The following EEPD1 variants were observed in gnomAD, a reference collection of about 807,000 sequenced individuals.
EEPD1 encodes endonuclease/exonuclease/phosphatase family domain containing 1.
In EEPD1, 17 loss-of-function variants were observed where a neutral mutation model predicts 46.3. That is an observed-to-expected ratio of 0.37 (90% CI 0.25 to 0.55). The LOEUF (loss-of-function observed/expected upper bound fraction) is 0.55, where lower values mean the gene tolerates loss of function less well. Ranked by LOEUF, EEPD1 falls within the 20% of genes least tolerant of loss-of-function variation. The pLI is 0.83. For missense variants in EEPD1, 673 were observed against 745.6 expected (o/e 0.90, Z 1.13); for synonymous variants, 313 against 315.6 (o/e 0.99, Z 0.09).
intron 3 of EEPD1, among the ~76,000 whole-genome samples, chr7:36,263,367 T>C (rs1281398354): frequency 6.6e-6 from 1 of 152,118 alleles, no homozygotes; most frequent in Non-Finnish European, 1.5e-5. Context: ...TAATTAGGTT[T>C]GAAGAAGACA....
chr7:36,174,259 AG>A (rs1785139981), intron 2 of EEPD1, among the ~76,000 whole-genome samples: 1 of 152,206 alleles, frequency 6.6e-6, no homozygotes, highest in African/African-American at 2.4e-5. Flanking sequence ...GCTTAAATCA[AG>A]CATTGTTGAT....
intron 3 of EEPD1, among the ~76,000 whole-genome samples, chr7:36,244,756 T>C (rs1384615048): frequency 6.7e-6 from 1 of 149,582 alleles, no homozygotes; most frequent in Admixed American, 6.9e-5. Context: ...GGGCTTCATT[T>C]TTCAGAGTTG....
chr7:36,212,401 A>G (rs541926363), intron 2 of EEPD1, among the ~76,000 whole-genome samples: 1 of 151,732 alleles, frequency 6.6e-6, no homozygotes, highest in African/African-American at 2.4e-5. Flanking sequence ...AATGCATCCC[A>G]TATATATGCA....
chr7:36,260,121 A>G (rs1250370779), intron 3 of EEPD1, among the ~76,000 whole-genome samples: 1 of 152,250 alleles, frequency 6.6e-6, no homozygotes, highest in African/African-American at 2.4e-5. Context: ...GAGAAGAAAT[A>G]TGCACATATG....
At chr7:36,228,549 T>G (rs1583821026) in intron 2 of EEPD1, 1 of 148,984 alleles carries the variant, frequency 6.7e-6, no homozygotes, top group Admixed American at 6.7e-5. Flanking sequence ...AAAAAAAAAC[T>G]GCTGTGGAAA....
intron 3 of EEPD1, among the ~76,000 whole-genome samples, chr7:36,262,959 G>A (rs1032869267): frequency 6.6e-6 from 1 of 152,120 alleles, no homozygotes; most frequent in African/African-American, 2.4e-5. Context: ...TATGGGGTAG[G>A]GGAGGGCTCT....
intron 2 of EEPD1, among the ~76,000 whole-genome samples, chr7:36,175,453 A>G (rs958067772): frequency 6.6e-6 from 1 of 152,006 alleles, no homozygotes; most frequent in Non-Finnish European, 1.5e-5. Flanking sequence ...GCTGGTCTCA[A>G]ACTCCTGGGT....
At chr7:36,230,860 A>C (rs1272599983) in intron 2 of EEPD1, 2 of 152,160 alleles carry the variant, frequency 1.3e-5, no homozygotes, top group East Asian at 3.9e-4. Flanking sequence ...ACAGTGAATG[A>C]ATGGATCCAT....
intron 2 of EEPD1, among the ~76,000 whole-genome samples, chr7:36,167,860 ACGCG>A (rs1785012410): frequency 6.6e-6 from 1 of 152,088 alleles, no homozygotes; most frequent in Non-Finnish European, 1.5e-5. Flanking sequence ...GGATACAGGC[ACGCG>A]CCACCACGCC....
chr7:36,242,302 TTCTC>T (rs1231372465), intron 3 of EEPD1, among the ~76,000 whole-genome samples: 5 of 152,144 alleles, frequency 3.3e-5, no homozygotes, highest in Non-Finnish European at 7.4e-5. Context: ...CCCACCCTGA[TTCTC>T]TCTCCCCGAG....
At chr7:36,165,619 T>TTTATTTATTTATTTA (rs1784970771) in intron 2 of EEPD1, among the ~76,000 whole-genome samples, 1 of 48,052 alleles carries the variant, frequency 2.1e-5, no homozygotes, top group Non-Finnish European at 5.9e-5. Flanking sequence ...TTATTTATTT[T>TTTATTTATTTATTTA]TAGTAGAGAC....
At chr7:36,186,083 C>T (rs188484917) in intron 2 of EEPD1, among the ~76,000 whole-genome samples, 60 of 152,242 alleles carry the variant, frequency 3.9e-4, no homozygotes, top group Admixed American at 6.5e-4. Flanking sequence ...TTGGCTTCTT[C>T]GTGGCATTTG....
chr7:36,234,231 G>A (rs1401497841), intron 2 of EEPD1, among the ~76,000 whole-genome samples: 1 of 152,066 alleles, frequency 6.6e-6, no homozygotes, highest in Non-Finnish European at 1.5e-5. Flanking sequence ...ATTTGTTGTT[G>A]GTGTTGGTGG....
intron 2 of EEPD1, among the ~76,000 whole-genome samples, chr7:36,236,054 A>G (rs1427465147): frequency 6.6e-6 from 1 of 151,870 alleles, no homozygotes; most frequent in African/African-American, 2.4e-5. Context: ...CCTCCTGAGT[A>G]GCTGGGGTCA....
rs1311042175 is a variant in EEPD1 at position 36,155,217 on chromosome 7, C to T, written c.878+15C>T. The T allele has an allele frequency of 1.3e-6, 2 of 1,506,450 alleles. No homozygotes were observed. The highest frequency in any genetic ancestry group is 2.8e-5 in the African/African-American group (2 of 71,474). The allele number at this position is 1,506,450 out of a possible 1,614,324, so 93.3% of individuals were successfully genotyped here. ...CTGGAAAACAGGTGAGGACAGGAAC[C>T]ACCATGGGTGTTGGGTGTGAAGGCA... On this transcript the variant is annotated intron_variant, in intron 2 of 7. Transcript: ENST00000242108.
chr7:36,201,908 T>C (rs1180370567), intron 2 of EEPD1, among the ~76,000 whole-genome samples: 1 of 152,206 alleles, frequency 6.6e-6, no homozygotes, highest in Admixed American at 6.5e-5. Flanking sequence ...TGGCTTCCCA[T>C]AGAATTATCA....
chr7:36,194,475 C>G (rs548130541), intron 2 of EEPD1, among the ~76,000 whole-genome samples: 38 of 152,288 alleles, frequency 2.5e-4, no homozygotes, highest in African/African-American at 8.4e-4. Flanking sequence ...CAGAAGACTT[C>G]CCCATCCTGG....
chr7:36,154,973 C>T lies in EEPD1; in HGVS notation c.649C>T (p.Pro217Ser). ...CGGGGGACTGACCTTCACCGCCAAG[C>T]CTCACCCGAGCCCCACTTCCCTGAG... ...TNGGLTFTAK[P>S]HPSPTSLSLQ... The change falls in exon 2 of 8, where the codon CCT becomes TCT. Residue 217 changes from proline (P) to serine (S), a missense_variant. Pro to Ser is a moderately conservative substitution (Grantham distance 74, BLOSUM62 -1). Transcript: ENST00000242108. This position sits in a 1 kb window ranked among gnomAD's most constrained non-coding sequence, Gnocchi z 4.2. 3 of 1,613,776 alleles carry T rather than the reference C, an allele frequency of 1.9e-6. No homozygotes were observed. Among genetic ancestry groups the T allele is most frequent in the Non-Finnish European group, 2.5e-6 (3 of 1,179,882 alleles).
chr7:36,232,972 G>A (rs1203509515), intron 2 of EEPD1, among the ~76,000 whole-genome samples: 1 of 152,120 alleles, frequency 6.6e-6, no homozygotes. Flanking sequence ...TTTTAACAGT[G>A]TTGAGATCTT....
Sources: allele counts gnomAD v4.1 joint callset (sites outside exome capture counted in the v4.1 genomes callset), GRCh38; gene constraint gnomAD v4.1.1; non-coding constraint Gnocchi (gnomAD v3.1); transcripts MANE v1.5; gene names NCBI Gene and HGNC (gene_info 2026-07-23, HGNC 2026-07-21).